Variants in MPRIP observed in about 807,000 individuals in gnomAD.
MPRIP encodes myosin phosphatase Rho-interacting protein.
MPRIP carries 59 observed loss-of-function variants against 234.9 expected under a neutral mutation model. The observed-to-expected ratio is 0.25, with a 90% CI of 0.20 to 0.31. MPRIP has a LOEUF of 0.31. Ranked by LOEUF, MPRIP falls within the 10% of genes least tolerant of loss-of-function variation. MPRIP has a pLI of 1.00. For missense variants in MPRIP, 2,436 were observed against 3,071.0 expected (o/e 0.79, Z 4.89); for synonymous variants, 1,144 against 1,263.9 (o/e 0.91, Z 2.01).
intron 1 of MPRIP, among the ~76,000 whole-genome samples, chr17:17,049,042 C>T (rs2088448444): frequency 6.6e-6 from 1 of 152,168 alleles, no homozygotes; most frequent in African/African-American, 2.4e-5. Context: ...ACAACATGGA[C>T]GAACCTAGAA....
At chr17:17,150,465 T>G (rs1224979798) in intron 12 of MPRIP, among the ~76,000 whole-genome samples, 1 of 152,244 alleles carries the variant, frequency 6.6e-6, no homozygotes, top group East Asian at 1.9e-4. Context: ...TGAAGACTGC[T>G]TAAAGCTTTT....
At chr17:17,154,256 C>T (rs896130705) in intron 12 of MPRIP, 50 bp from the exon 13 acceptor site, 1 of 1,520,292 alleles carries the variant, frequency 6.6e-7, no homozygotes, top group Non-Finnish European at 9.1e-7. Flanking sequence ...TGGAGGGCAG[C>T]AGGCACCCTA....
chr17:17,046,278 C>T (rs537478889), intron 1 of MPRIP, among the ~76,000 whole-genome samples: 5 of 152,272 alleles, frequency 3.3e-5, no homozygotes, highest in African/African-American at 7.2e-5. Flanking sequence ...TAATTTAACC[C>T]GTTTCCTTAT....
At chr17:17,115,469 A>G (rs1018641000) in intron 3 of MPRIP, among the ~76,000 whole-genome samples, 13 of 152,222 alleles carry the variant, frequency 8.5e-5, no homozygotes, top group African/African-American at 2.2e-4. Flanking sequence ...TGATGGAGCC[A>G]TGAAGGCCTG....
rs1201441271 is a variant in MPRIP at position 17,166,176 on chromosome 17, G to A, written c.4585G>A (p.Gly1529Arg). ...LQHWPAPAHG[G>R]ARAQLETGGT... ...GCACTGGCCGGCCCCAGCCCATGGCGGGGCCCGTGCACAGCTGGAGACAGG... is the reference window on the plus strand; with the variant it reads ...GCACTGGCCGGCCCCAGCCCATGGCAGGGCCCGTGCACAGCTGGAGACAGG... The change falls in exon 16 of 24, where the codon GGG becomes AGG. Residue 1529 changes from glycine to arginine, a missense_variant. By Grantham distance (125) the Gly-to-Arg change is moderately radical. This residue lies in a region of MPRIP where 1,998 missense variants were observed against 2,520.3 expected (regional missense o/e 0.79). Transcript: ENST00000651222. This position sits in a 1 kb window ranked among gnomAD's most constrained non-coding sequence, Gnocchi z 4.4. 6.9e-6 allele frequency: 9 copies of A among 1,302,646 alleles called. No individual in the cohort carries two copies. Among genetic ancestry groups the A allele is most frequent in the Middle Eastern group, 2.1e-4 (1 of 4,694 alleles). The allele number at this position is 1,302,646 out of a possible 1,614,324, so 80.7% of individuals were successfully genotyped here.
intron 21 of MPRIP, among the ~76,000 whole-genome samples, chr17:17,176,756 C>G (rs993636889): frequency 9.9e-5 from 15 of 152,180 alleles, no homozygotes; most frequent in Admixed American, 8.5e-4. Flanking sequence ...TTTTTGTGTG[C>G]CTTGGGAGGA....
At chr17:17,121,525 A>AT (rs2090388701) in intron 3 of MPRIP, among the ~76,000 whole-genome samples, 1 of 152,238 alleles carries the variant, frequency 6.6e-6, no homozygotes, top group Non-Finnish European at 1.5e-5. Context: ...AGTGCGTGGT[A>AT]TTCAAGGGCA....
At chr17:17,059,512 G>A (rs2088808348) in intron 1 of MPRIP, among the ~76,000 whole-genome samples, 4 of 152,210 alleles carry the variant, frequency 2.6e-5, no homozygotes, top group Admixed American at 2.0e-4. Context: ...CTGCCTTGGG[G>A]CCTGCTCGGC....
At chr17:17,105,133 A>G (rs2090038155) in intron 3 of MPRIP, among the ~76,000 whole-genome samples, 1 of 152,214 alleles carries the variant, frequency 6.6e-6, no homozygotes, top group African/African-American at 2.4e-5. Context: ...AGTAGGCACT[A>G]ATTCCATTCG....
chr17:17,182,554 G>T, intron 23 of MPRIP: 1 of 152,388 alleles, frequency 6.6e-6, no homozygotes, highest in Non-Finnish European at 1.5e-5. Flanking sequence ...GAATCCAGAG[G>T]ACGTAGAGAG....
At chr17:17,124,916 C>G (rs577665131) in intron 3 of MPRIP, among the ~76,000 whole-genome samples, 2 of 152,294 alleles carry the variant, frequency 1.3e-5, no homozygotes, top group East Asian at 1.9e-4. Context: ...GGACCCCCAC[C>G]TTGGGCAGGA....
intron 21 of MPRIP, 93 bp downstream of exon 21, chr17:17,176,605 T>G: frequency 2.1e-6 from 2 of 971,060 alleles, no homozygotes; most frequent in Non-Finnish European, 3.2e-6. Context: ...GCGCGGGCTC[T>G]TCTGAAGCAG....
At chr17:17,066,869 G>GGC (rs2089046775) in intron 1 of MPRIP, among the ~76,000 whole-genome samples, 1 of 150,090 alleles carries the variant, frequency 6.7e-6, no homozygotes, top group African/African-American at 2.4e-5. Flanking sequence ...TGATCCTCAT[G>GGC]CCTCAGCCTC....
chr17:17,144,950 G>A (rs117921807), intron 9 of MPRIP, among the ~76,000 whole-genome samples: 156 of 152,370 alleles, frequency 1.0e-3, no homozygotes, highest in Non-Finnish European at 1.5e-3. Flanking sequence ...GCAACTACAA[G>A]CTTGCAGGAG....
chr17:17,146,982 C>G (rs1029188180), intron 10 of MPRIP, among the ~76,000 whole-genome samples: 2 of 152,230 alleles, frequency 1.3e-5, no homozygotes, highest in Non-Finnish European at 2.9e-5. Context: ...TGGGCCCAGC[C>G]TGTTGTCTGC....
At chr17:17,142,939 A>G (rs937689557) in intron 8 of MPRIP, among the ~76,000 whole-genome samples, 174 bp downstream of exon 8, 1 of 152,120 alleles carries the variant, frequency 6.6e-6, no homozygotes, top group Admixed American at 6.5e-5. Flanking sequence ...CTGCAGCTTC[A>G]TATCAGAGCC....
rs2144730192 is a variant in MPRIP, at chr17:17,184,901, C to T, written c.*7C>T. ...GGACTTGAAGAAAGACTAGGTGTGTCCCATCCAAGTTGAGCACGCGCCTTC... is the reference window on the plus strand; with the variant it reads ...GGACTTGAAGAAAGACTAGGTGTGTTCCATCCAAGTTGAGCACGCGCCTTC... On this transcript the variant is annotated 3_prime_UTR_variant, in exon 24 of 24. Transcript: ENST00000651222. 2.5e-6 allele frequency: 4 copies of T among 1,606,858 alleles called. No homozygotes were observed. The highest frequency in any genetic ancestry group is 2.0e-4 in the Middle Eastern group (1 of 4,924).
Position 17,042,993 on chromosome 17 carries a change from G to C in MPRIP, c.123+22G>C, listed in dbSNP as rs754633576. On this transcript the variant is annotated intron_variant, in intron 1 of 23. Transcript: ENST00000651222. ...GCAGGTGAGCGACTGGGGCCGGCCC[G>C]GACACCTCCGTTCTGGGAGCCGCGG... The C allele has an allele frequency of 2.4e-5, 39 of 1,605,534 alleles. No individual in the cohort carries two copies. The African/African-American group carries it at 4.8e-4, about 20-fold the overall frequency.
chr17:17,158,804 G>A lies in MPRIP; in HGVS notation c.2202G>A (p.Val734=), dbSNP rs1305652611. 8 of 1,611,644 alleles carry A rather than the reference G, an allele frequency of 5.0e-6. No homozygotes were observed. Among genetic ancestry groups the A allele is most frequent in the African/African-American group, 1.3e-5 (1 of 75,006 alleles). Reference sequence around the variant, plus strand: ...AGGATGCAGCCCTGCGCATGGAGGTGGACCGGAGCCCAGGGCTGCCTATGA... The same window carrying A: ...AGGATGCAGCCCTGCGCATGGAGGTAGACCGGAGCCCAGGGCTGCCTATGA... ...GTEDAALRME[V]DRSPGLPMSD... Residue 734 remains valine, a synonymous_variant, in exon 14 of 24, where the codon GTG becomes GTA. Transcript: ENST00000651222.
Sources: allele counts gnomAD v4.1 joint callset (sites outside exome capture counted in the v4.1 genomes callset), GRCh38; gene constraint gnomAD v4.1.1; regional missense constraint gnomAD v4.1.1; non-coding constraint Gnocchi (gnomAD v3.1); transcripts MANE v1.5; gene names NCBI Gene and HGNC (gene_info 2026-07-23, HGNC 2026-07-21).